HECW1: variants seen among roughly 807,000 people sequenced by gnomAD.
HECW1 encodes the protein HECT, C2 and WW domain containing E3 ubiquitin protein ligase 1.
HECW1 carries 61 observed loss-of-function variants against 182.3 expected under a neutral mutation model. The observed-to-expected ratio is 0.33, with a 90% confidence interval of 0.27 to 0.41. The LOEUF is 0.41. Among genes scored for constraint, HECW1 ranks in the 10% least tolerant of loss-of-function variants. The pLI is 1.00. For synonymous variants in HECW1, 859 were observed against 832.6 expected, an observed-to-expected ratio of 1.03 and a Z score of -0.55; for missense variants, 1,739 against 2,108.9, an observed-to-expected ratio of 0.82 and a Z score of 3.44.
intron 6 of HECW1, among the ~76,000 whole-genome samples, chr7:43,361,704 G>GA (rs1305109387): frequency 6.6e-6 from 1 of 151,734 alleles, no homozygotes; most frequent in African/African-American, 2.4e-5. Context: ...AATGCACTGA[G>GA]AAATGGCATT....
intron 12 of HECW1, among the ~76,000 whole-genome samples, chr7:43,452,034 C>T (rs544046968): frequency 2.6e-5 from 4 of 152,326 alleles, no homozygotes; most frequent in African/African-American, 9.6e-5. Context: ...AATCAAAGAA[C>T]ATCTTTTATA....
intron 5 of HECW1, among the ~76,000 whole-genome samples, chr7:43,334,973 T>G (rs1257585046): frequency 6.6e-6 from 1 of 152,232 alleles, no homozygotes; most frequent in Non-Finnish European, 1.5e-5. Context: ...TTTTACAATA[T>G]GAATTTTCTA....
chr7:43,163,939 C>A (rs1790821380), intron 2 of HECW1, among the ~76,000 whole-genome samples: 1 of 152,182 alleles, frequency 6.6e-6, no homozygotes, highest in African/African-American at 2.4e-5. Context: ...TTTAGTATTT[C>A]TAGAATCTCA....
intron 12 of HECW1, among the ~76,000 whole-genome samples, chr7:43,453,679 C>T (rs760298169): frequency 6.6e-6 from 1 of 152,094 alleles, no homozygotes; most frequent in East Asian, 1.9e-4. Context: ...CTATATTGTT[C>T]TTGGACTTTG....
chr7:43,129,834 C>A (rs1786707953), intron 2 of HECW1, among the ~76,000 whole-genome samples: 1 of 152,166 alleles, frequency 6.6e-6, no homozygotes, highest in South Asian at 2.1e-4. Flanking sequence ...CCATAAGCTA[C>A]ATACATCCTC....
At chr7:43,504,260 C>T (rs562350375) in intron 21 of HECW1, among the ~76,000 whole-genome samples, 1 of 152,322 alleles carries the variant, frequency 6.6e-6, no homozygotes, top group African/African-American at 2.4e-5. Context: ...TCCCCTGCCT[C>T]AACCACTTAC....
At chr7:43,410,449 C>T in intron 8 of HECW1, among the ~76,000 whole-genome samples, 1 of 152,106 alleles carries the variant, frequency 6.6e-6, no homozygotes, top group Admixed American at 6.5e-5. Flanking sequence ...CCTCTTAATA[C>T]CATCACTTTG....
Position 43,209,018 on chromosome 7 carries a change from A to G in HECW1, c.-31-34857A>G, listed in dbSNP as rs563402241. Among the ~76,000 whole-genome samples the G allele has an allele frequency of 2.6e-5, 4 of 152,308 alleles. No homozygotes were observed. In the South Asian group the frequency reaches 6.2e-4, roughly 24 times the overall value. ...CTCTTTTGATATTGAACTTGGCTAT[A>G]TGCACAAAACATTACCTCTTATTTA... On this transcript the variant is annotated intron_variant, in intron 2 of 29. Coordinates refer to ENST00000395891, the MANE Select transcript of HECW1 (RefSeq NM_015052.5).
At chr7:43,128,280 T>C (rs1786506521) in intron 2 of HECW1, among the ~76,000 whole-genome samples, 1 of 152,216 alleles carries the variant, frequency 6.6e-6, no homozygotes, top group South Asian at 2.1e-4. Context: ...GCTTCAAATC[T>C]TCAAAAAATA....
At chr7:43,303,333 A>C (rs1426853037) in intron 3 of HECW1, among the ~76,000 whole-genome samples, 28 of 100,770 alleles carry the variant, frequency 2.8e-4, no homozygotes, top group South Asian at 4.2e-4. Flanking sequence ...AGACCACCCC[A>C]CCCCCCGCCC....
intron 6 of HECW1, among the ~76,000 whole-genome samples, chr7:43,367,127 G>A (rs1342454630): frequency 9.9e-5 from 15 of 152,196 alleles, no homozygotes; most frequent in Non-Finnish European, 2.2e-4. Context: ...TGGCACTATA[G>A]CCATGTTCTT....
In HECW1 at chr7:43,369,180, C is replaced by T. The variant is rs147051716; in HGVS notation, c.555+8200C>T. Among the ~76,000 whole-genome samples, 96 of 152,230 alleles carry T rather than the reference C, an allele frequency of 6.3e-4. No individual in the cohort carries two copies. The East Asian group carries it at 0.017, about 27-fold the overall frequency. On this transcript the variant is annotated intron_variant, in intron 6 of 29. Transcript: ENST00000395891. Reference sequence around the variant, plus strand: ...CTGACATAAAGAGACAATTTAGGGCCGGGCGCAGTGGCTCATGCTTGTAAT... The same window carrying T: ...CTGACATAAAGAGACAATTTAGGGCTGGGCGCAGTGGCTCATGCTTGTAAT...
intron 3 of HECW1, among the ~76,000 whole-genome samples, chr7:43,264,722 T>C (rs561910054): frequency 3.8e-4 from 58 of 151,748 alleles, no homozygotes; most frequent in Non-Finnish European, 5.4e-4. Context: ...CGGGCACCTG[T>C]AGTCTCAGTT....
intron 3 of HECW1, among the ~76,000 whole-genome samples, chr7:43,302,930 C>T (rs1179801268): frequency 1.3e-5 from 2 of 152,122 alleles, no homozygotes; most frequent in Non-Finnish European, 2.9e-5. Context: ...CACACACACC[C>T]ACACACGTGC....
At chr7:43,465,079 G>T (rs1367904611) in intron 14 of HECW1, among the ~76,000 whole-genome samples, 1 of 152,144 alleles carries the variant, frequency 6.6e-6, no homozygotes, top group African/African-American at 2.4e-5. Flanking sequence ...TAGGATTACA[G>T]GCACGAGACA....
At chr7:43,485,107 C>T (rs1228618754) in intron 17 of HECW1, among the ~76,000 whole-genome samples, 2 of 151,966 alleles carry the variant, frequency 1.3e-5, no homozygotes, top group Non-Finnish European at 2.9e-5. Context: ...AGGTACACAC[C>T]GAAAAAAAAG....
chr7:43,390,041 A>C (rs1477920738), intron 6 of HECW1, among the ~76,000 whole-genome samples: 1 of 152,210 alleles, frequency 6.6e-6, no homozygotes, highest in East Asian at 1.9e-4. Context: ...CAGAGTAAAG[A>C]AAATCATTCC....
intron 5 of HECW1, among the ~76,000 whole-genome samples, chr7:43,353,188 A>T (rs1349491199): frequency 6.6e-6 from 1 of 152,074 alleles, no homozygotes; most frequent in East Asian, 1.9e-4. Flanking sequence ...ATGTGTTTTA[A>T]TATTTATGGA....
chr7:43,466,112 TGAAA>T (rs1164950623), intron 14 of HECW1, among the ~76,000 whole-genome samples: 10 of 84,938 alleles, frequency 1.2e-4, no homozygotes, highest in African/African-American at 3.9e-4. Context: ...GAAAGAAAGA[TGAAA>T]GAAAGAAAAA....
Sources: gnomAD v4.1 joint callset for allele counts (sites outside exome capture counted in the v4.1 genomes callset) on GRCh38, gnomAD v4.1.1 for gene constraint, MANE v1.5 for transcripts, NCBI Gene and HGNC (gene_info 2026-07-23, HGNC 2026-07-21) for gene names.